Variants in ENTPD4 observed in about 807,000 individuals in gnomAD.
ENTPD4 encodes Golgi UDPase.
Under a neutral mutation model 79.1 loss-of-function variants are expected in ENTPD4, and 60 were observed. The ratio of observed to expected loss-of-function variants is 0.76; its 90% CI spans 0.62 to 0.94. The LOEUF is 0.94. Among genes scored for constraint, ENTPD4 ranks in the 40% least tolerant of loss-of-function variants. The probability of loss-of-function intolerance (pLI) is 0.00; values close to 1 mark genes in which losing one functional copy is unlikely to be tolerated. For missense variants in ENTPD4, 772 were observed against 775.1 expected, an observed-to-expected ratio of 1.00 and a Z score of 0.05; for synonymous variants, 276 against 292.0, an observed-to-expected ratio of 0.95 and a Z score of 0.56.
Position 23,429,519 on chromosome 8 carries a change from T to G in ENTPD4, c.*3407A>C. 1 of 985,446 alleles carries G rather than the reference T, an allele frequency of 1.0e-6. No individual in the cohort carries two copies. Among genetic ancestry groups the G allele is most frequent in the Non-Finnish European group, 1.2e-6 (1 of 829,906 alleles). The allele number at this position is 985,446 out of a possible 1,614,324, so 61.0% of individuals were successfully genotyped here. ...GCACACAACTGACCGCAGAGAATTC[T>G]AAAGCTGATTTTTTTCTTAAAGGAT... On this transcript the variant is annotated 3_prime_UTR_variant, in exon 13 of 13. Transcript: ENST00000358689.
Position 23,446,896 on chromosome 8 carries a change from A to G in ENTPD4, c.412+784T>C, listed in dbSNP as rs577543578. Among the ~76,000 whole-genome samples the G allele has an allele frequency of 3.9e-5, 6 of 152,298 alleles. No homozygotes were observed. In the South Asian group the frequency reaches 1.2e-3, roughly 32 times the overall value. On this transcript the variant is annotated intron_variant, in intron 4 of 12. Transcript: ENST00000358689. ...ATAATTTACCAGATAAATTTCTTGGATTGTTTGCATTTGATATTTTACTAT... is the reference window on the plus strand; with the variant it reads ...ATAATTTACCAGATAAATTTCTTGGGTTGTTTGCATTTGATATTTTACTAT...
chr8:23,432,473 A>C lies in ENTPD4; in HGVS notation c.*453T>G. 1 of 986,970 alleles carries C rather than the reference A, an allele frequency of 1.0e-6. No individual in the cohort carries two copies. The highest frequency in any genetic ancestry group is 1.2e-6 in the Non-Finnish European group (1 of 831,306). 61.1% of individuals were successfully genotyped at this position (986,970 alleles called of 1,614,324 possible). ...TGTACTCAAAATGGCTAAACGCAAT[A>C]CTTCTAGACAGCAGGGCTTATAAAC... On this transcript the variant is annotated 3_prime_UTR_variant, in exon 13 of 13. Coordinates refer to ENST00000358689, the MANE Select transcript of ENTPD4 (RefSeq NM_004901.5).
At position 23,441,570 on chromosome 8, in the gene ENTPD4, T is replaced by C; in HGVS notation, c.881A>G (p.Gln294Arg). 1 of 1,613,908 alleles carries C rather than the reference T, an allele frequency of 6.2e-7. No individual in the cohort carries two copies. The highest frequency in any genetic ancestry group is 8.5e-7 in the Non-Finnish European group (1 of 1,179,902). The change falls in exon 8 of 13, where the codon CAG (glutamine) becomes CGG (arginine). Residue 294 changes from glutamine (Q) to arginine (R), a missense_variant and splice_region_variant. By Grantham distance (43) the Gln-to-Arg change is conservative. Coordinates refer to ENST00000358689, the MANE Select transcript of ENTPD4 (RefSeq NM_004901.5). Reference protein sequence around the residue: ...PKTVSFASSQQEEVAKNLLAE... With the variant: ...PKTVSFASSQREEVAKNLLAE... ...AAGGAAATTTGTACAGATAATGACC[T>C]GCTGTGAGGACGCAAAGCTTACAGT... is the stretch of plus-strand genomic sequence containing the variant.
Position 23,435,304 on chromosome 8 carries a change from G to C in ENTPD4, c.1460+88C>G, listed in dbSNP as rs923610825. On this transcript the variant is annotated intron_variant, in intron 11 of 12. Transcript: ENST00000358689. ...AAGAACAGTGAGTGAGAAGAAGCTG[G>C]ACTGAGGCCAGGGTGTGGCAAGCCA... 4 of 839,988 alleles carry C rather than the reference G, an allele frequency of 4.8e-6. No individual in the cohort carries two copies. In the Admixed American group the frequency reaches 6.5e-5, roughly 14 times the overall value. The allele number at this position is 839,988 out of a possible 1,614,324, so 52.0% of individuals were successfully genotyped here.
intron 8 of ENTPD4, 67 bp from the exon 9 acceptor site, chr8:23,439,982 T>C (rs755066162): frequency 3.7e-5 from 52 of 1,414,930 alleles, no homozygotes; most frequent in Non-Finnish European, 5.0e-5. Flanking sequence ...AAAAGAAAAG[T>C]CTAAAAATAG....
rs145014539 is a variant in ENTPD4, at chr8:23,455,313, G to A, written c.-98+2244C>T. On this transcript the variant is annotated intron_variant, in intron 1 of 12. Coordinates refer to ENST00000358689, the MANE Select transcript of ENTPD4 (RefSeq NM_004901.5). ...CTTCTGAATAAGCAAAGGTACCACA[G>A]GGAAGGGTACTTCAGAAAAGAATGA... Among the ~76,000 whole-genome samples, 749 of 152,330 alleles carry A rather than the reference G, an allele frequency of 4.9e-3. 4 individuals carry two copies. The highest frequency in any genetic ancestry group is 0.017 in the African/African-American group (715 of 41,568).
At chr8:23,450,656 T>C (rs1800843011) in intron 1 of ENTPD4, among the ~76,000 whole-genome samples, 1 of 152,256 alleles carries the variant, frequency 6.6e-6, no homozygotes, top group Non-Finnish European at 1.5e-5. Flanking sequence ...CTTTAAGCGT[T>C]GTTCTCTGCC....
rs146688903 is a variant in ENTPD4 at position 23,437,148 on chromosome 8, C to T, written c.1160G>A (p.Arg387Gln). The T allele has an allele frequency of 2.6e-4, 413 of 1,614,110 alleles. 4 individuals carry two copies. The highest frequency in any genetic ancestry group is 2.0e-3 in the South Asian group (179 of 91,086). ...IQQNGQTIYL[R>Q]GTGDFDLCRE... ...ACACAGGTCAAAGTCTCCAGTCCCT[C>T]GTAGGTATATGGTTTGTCCATTTTG... The change falls in exon 10 of 13, where the codon CGA (arginine) becomes CAA (glutamine). Residue 387 changes from arginine to glutamine, a missense_variant. Physicochemically the swap from Arg to Gln is conservative, Grantham distance 43. Coordinates refer to ENST00000358689, the MANE Select transcript of ENTPD4 (RefSeq NM_004901.5).
rs1440220335 is a variant in ENTPD4 at position 23,436,983 on chromosome 8, A to G, written c.1325T>C (p.Leu442Ser). Residue 442 changes from leucine (L) to serine (S), a missense_variant, in exon 10 of 13, where the codon TTA becomes TCA. Physicochemically the swap from Leu to Ser is moderately radical, Grantham distance 145. Transcript: ENST00000358689. ...SEFYYCTEDV[L>S]RMGGDYNAAK... is the part of the protein sequence containing the mutation. ...AGCATTGTAGTCTCCCCCCATTCGTAACACATCCTCGGTGCAGTAGTAGAA... is the reference window on the plus strand; with the variant it reads ...AGCATTGTAGTCTCCCCCCATTCGTGACACATCCTCGGTGCAGTAGTAGAA... 6.2e-7 allele frequency: 1 copy of G among 1,612,446 alleles called. No homozygotes were observed. The highest frequency in any genetic ancestry group is 1.3e-5 in the African/African-American group (1 of 74,790).
rs745518540 is a variant in ENTPD4 at position 23,443,914 on chromosome 8, G to T, written c.603C>A (p.Ile201=). The change falls in exon 6 of 13, where the codon ATC becomes ATA. Residue 201 remains isoleucine, a synonymous_variant. Transcript: ENST00000358689. ...KAILEDLLTD[I]PVHFDFLFSD... Reference sequence around the variant, plus strand: ...AAAACAGAAAGTCAAAGTGCACGGGGATATCGGTCAGAAGGTCTTCCAGAA... The same window carrying T: ...AAAACAGAAAGTCAAAGTGCACGGGTATATCGGTCAGAAGGTCTTCCAGAA... 1.9e-6 allele frequency: 3 copies of T among 1,613,586 alleles called. No individual in the cohort carries two copies. In the South Asian group the frequency reaches 3.3e-5, roughly 18 times the overall value.
At chr8:23,443,821 A>T (rs1335123148) in intron 6 of ENTPD4, 29 bp downstream of exon 6, 9 of 1,432,404 alleles carry the variant, frequency 6.3e-6, no homozygotes, top group African/African-American at 1.4e-5. Context: ...CAGCTTCCCA[A>T]ATTTTAAACT....
At position 23,429,887 on chromosome 8, in the gene ENTPD4, G is replaced by A. The variant is rs1309164305; in HGVS notation, c.*3039C>T. On this transcript the variant is annotated 3_prime_UTR_variant, in exon 13 of 13. Transcript: ENST00000358689. ...TCTTCTACTGTAATGTCCCCAGAGG[G>A]ATTGTGAAATGTCTGAGAACATCCC... 26 of 985,328 alleles carry A rather than the reference G, an allele frequency of 2.6e-5. No individual in the cohort carries two copies. Among genetic ancestry groups the A allele is most frequent in the Non-Finnish European group, 2.8e-5 (23 of 829,928 alleles). The allele number at this position is 985,328 out of a possible 1,614,324, so 61.0% of individuals were successfully genotyped here.
At chr8:23,433,731 G>A (rs12549539) in intron 12 of ENTPD4, among the ~76,000 whole-genome samples, 37,005 of 152,126 alleles carry the variant, frequency 0.24, 4,732 homozygotes, top group Admixed American at 0.34. Context: ...GGCAGCACCT[G>A]CAACTTTGTT....
chr8:23,450,090 A>C, intron 1 of ENTPD4, 93 bp from the exon 2 acceptor site: 1 of 661,538 alleles, frequency 1.5e-6, no homozygotes, highest in Non-Finnish European at 2.7e-6. Context: ...ACCACATATA[A>C]TCTATACATG....
rs2117299471 is a variant in ENTPD4, at chr8:23,447,878, C to A, written c.214G>T (p.Ala72Ser). Residue 72 changes from alanine to serine, a missense_variant, in exon 4 of 13, where the codon GCA (alanine) becomes TCA (serine). Physicochemically the swap from Ala to Ser is moderately conservative, Grantham distance 99. Coordinates refer to ENST00000358689, the MANE Select transcript of ENTPD4 (RefSeq NM_004901.5). The part of the protein sequence containing the change: ...TRDKKFQRYL[A>S]RVTDIEATDT... Reference sequence around the variant, plus strand: ...GTAGCTTCAATGTCGGTAACTCGTGCCAGGTACCTTGTATAGAAACACACG... The same window carrying A: ...GTAGCTTCAATGTCGGTAACTCGTGACAGGTACCTTGTATAGAAACACACG... 1 of 1,613,832 alleles carries A rather than the reference C, an allele frequency of 6.2e-7. No individual in the cohort carries two copies. The highest frequency in any genetic ancestry group is 8.5e-7 in the Non-Finnish European group (1 of 1,179,726).
In ENTPD4 at chr8:23,429,492, T is replaced by C. The variant is rs187121986; in HGVS notation, c.*3434A>G. The C allele has an allele frequency of 4.1e-3, 4,007 of 985,424 alleles. 8 individuals carry two copies. The highest frequency in any genetic ancestry group is 4.6e-3 in the Non-Finnish European group (3,805 of 829,900). The allele number at this position is 985,424 out of a possible 1,614,324, so 61.0% of individuals were successfully genotyped here. ...TTTACTGAAAGGTAGTTTTGTTGCA[T>C]TGCACACAACTGACCGCAGAGAATT... On this transcript the variant is annotated 3_prime_UTR_variant, in exon 13 of 13. Transcript: ENST00000358689.
chr8:23,440,435 C>T (rs1448987246), intron 8 of ENTPD4, among the ~76,000 whole-genome samples: 2 of 152,102 alleles, frequency 1.3e-5, no homozygotes, highest in Non-Finnish European at 2.9e-5. Context: ...AAGAAATTCA[C>T]TAAAAGGCTA....
Position 23,430,895 on chromosome 8 carries a change from C to CCTA in ENTPD4, c.*2030_*2031insTAG. 1.0e-6 allele frequency: 1 copy of CCTA among 985,510 alleles called. No homozygotes were observed. The highest frequency in any genetic ancestry group is 1.2e-6 in the Non-Finnish European group (1 of 830,000). The allele number at this position is 985,510 out of a possible 1,614,324, so 61.0% of individuals were successfully genotyped here. On this transcript the variant is annotated 3_prime_UTR_variant, in exon 13 of 13. Transcript: ENST00000358689. ...GTCGCAGGCAGGTGGCCAAGACCAA[C>CCTA]TTATTAGGTAGCCAGAAGCTCACCC...
chr8:23,452,673 C>G (rs971706475), intron 1 of ENTPD4, among the ~76,000 whole-genome samples: 2 of 152,128 alleles, frequency 1.3e-5, no homozygotes, highest in African/African-American at 4.8e-5. Context: ...TGTCTCATTC[C>G]CTGACAGACC....
Sources: gnomAD v4.1 joint callset for allele counts (sites outside exome capture counted in the v4.1 genomes callset) on GRCh38, gnomAD v4.1.1 for gene constraint, MANE v1.5 for transcripts, NCBI Gene and HGNC (gene_info 2026-07-23, HGNC 2026-07-21) for gene names.